Variants in LRRC58 observed in about 807,000 individuals in gnomAD.
LRRC58 encodes the protein leucine rich repeat containing 58.
A neutral mutation model predicts 30.6 loss-of-function variants in LRRC58; 18 were observed. The observed-to-expected ratio is 0.59, with a 90% CI of 0.41 to 0.87. The LOEUF (loss-of-function observed/expected upper bound fraction) is 0.87. Ranked by LOEUF, LRRC58 falls within the 40% of genes least tolerant of loss-of-function variation. LRRC58 has a pLI of 0.00. For synonymous variants in LRRC58, 221 were observed against 206.0 expected (o/e 1.07, Z -0.62); for missense variants, 420 against 468.4 (o/e 0.90, Z 0.95).
At chr3:120,346,672 A>C (rs60814807) in intron 1 of LRRC58, among the ~76,000 whole-genome samples, 6,572 of 152,266 alleles carry the variant, frequency 0.043, 358 homozygotes, top group African/African-American at 0.13. Flanking sequence ...CAACATTAAA[A>C]TTAGAAGGAA....
chr3:120,336,337 C>T (rs974323957), intron 1 of LRRC58, among the ~76,000 whole-genome samples: 1 of 152,200 alleles, frequency 6.6e-6, no homozygotes, highest in African/African-American at 2.4e-5. Flanking sequence ...TTCAGCTGGG[C>T]TATGGACTTA....
chr3:120,337,087 C>T (rs559139791), intron 1 of LRRC58, among the ~76,000 whole-genome samples: 2 of 152,168 alleles, frequency 1.3e-5, no homozygotes, highest in East Asian at 1.9e-4. Context: ...GCTATGAAGT[C>T]CTGACCCCAT....
rs1489739484 is a variant in LRRC58 at position 120,331,393 on chromosome 3, C to A, written c.923G>T (p.Cys308Phe). 2 of 1,613,248 alleles carry A rather than the reference C, an allele frequency of 1.2e-6. No homozygotes were observed. The highest frequency in any genetic ancestry group is 1.7e-6 in the Non-Finnish European group (2 of 1,179,338). Residue 308 changes from cysteine to phenylalanine, a missense_variant, in exon 4 of 4, where the codon TGC (cysteine) becomes TTC (phenylalanine). Transcript: ENST00000295628. ...CACAAATTTAATTTGTCTGACACAG[C>A]AGTCAAAGTAGACTCCTAAAGAGAA... ...NPKCGGVYFD[C>F]CVRQIKFVDF...
Position 120,335,813 on chromosome 3 carries a change from G to A in LRRC58, c.629+12C>T. Reference sequence around the variant, plus strand: ...GATGTCTGCGTATATACAAATGCCTGGAACTACTCACTGTGAAAGTTGAGG... The same window carrying A: ...GATGTCTGCGTATATACAAATGCCTAGAACTACTCACTGTGAAAGTTGAGG... On this transcript the variant is annotated intron_variant, in intron 2 of 3. Transcript: ENST00000295628. 1 of 1,606,240 alleles carries A rather than the reference G, an allele frequency of 6.2e-7. No individual in the cohort carries two copies. Among genetic ancestry groups the A allele is most frequent in the Admixed American group, 1.7e-5 (1 of 59,518 alleles).
Position 120,325,647 on chromosome 3 carries a change from G to C in LRRC58, c.*5553C>G, listed in dbSNP as rs891455552. 3 of 152,070 alleles carry C rather than the reference G, an allele frequency of 2.0e-5. No individual in the cohort carries two copies. Among genetic ancestry groups the C allele is most frequent in the African/African-American group, 4.8e-5 (2 of 41,404 alleles). 9.4% of individuals were successfully genotyped at this position (152,070 alleles called of 1,614,324 possible). A position where few individuals can be genotyped will look rare whatever the true frequency, so the allele number is the denominator to read the frequency against. On this transcript the variant is annotated 3_prime_UTR_variant, in exon 4 of 4. Coordinates refer to ENST00000295628, the MANE Select transcript of LRRC58 (RefSeq NM_001099678.2). ...CCAAGAAGAGATAGAAAAAGAATGG[G>C]AGATATTTACATACAAAAGTATTCA...
intron 2 of LRRC58, 94 bp from the exon 3 acceptor site, chr3:120,335,233 T>G: frequency 5.5e-6 from 6 of 1,092,068 alleles, no homozygotes; most frequent in Non-Finnish European, 6.5e-6. Context: ...TGATTTCCCC[T>G]TAAGAATGAG....
In LRRC58 at chr3:120,339,332, C is replaced by T. The variant is rs114716973; in HGVS notation, c.501-3379G>A. ...TCATCTTCTAGAATTAGTTCTACCC[C>T]GATTTTCTACCAATTTATTTTATTT... is the stretch of plus-strand genomic sequence containing the variant. On this transcript the variant is annotated intron_variant, in intron 1 of 3. Coordinates refer to ENST00000295628, the MANE Select transcript of LRRC58 (RefSeq NM_001099678.2). Among the ~76,000 whole-genome samples the T allele has an allele frequency of 5.5e-3, 831 of 152,254 alleles. 2 individuals are homozygous for T. Among genetic ancestry groups the T allele is most frequent in the Non-Finnish European group, 7.7e-3 (522 of 68,020 alleles).
chr3:120,347,621 G>C (rs1286133673), intron 1 of LRRC58, among the ~76,000 whole-genome samples: 1 of 150,878 alleles, frequency 6.6e-6, no homozygotes, highest in Admixed American at 6.6e-5. Context: ...TCGATCTCCT[G>C]ACCTCATGAT....
rs1559993965 is a variant in LRRC58, at chr3:120,336,266, A to G, written c.501-313T>C. ...TTAGGAGTTGAATGAAAAGGAAGAT[A>G]AAAGTTTTAAAAAGGCCACAGTAGT... is the stretch of plus-strand genomic sequence containing the variant. On this transcript the variant is annotated intron_variant, in intron 1 of 3. Transcript: ENST00000295628. 4.6e-5 allele frequency among the ~76,000 whole-genome samples: 7 copies of G among 152,348 alleles called. No homozygotes were observed. The South Asian group carries it at 1.0e-3, about 23-fold the overall frequency.
rs1447570125 is a variant in LRRC58 at position 120,328,075 on chromosome 3, T to C, written c.*3125A>G. On this transcript the variant is annotated 3_prime_UTR_variant, in exon 4 of 4. Coordinates refer to ENST00000295628, the MANE Select transcript of LRRC58 (RefSeq NM_001099678.2). ...ACTTTTAAATGTGGTAACTTGAAGC[T>C]CTAAATATCAAGAATTTTTGAACAA... is the stretch of plus-strand genomic sequence containing the variant. 4 of 152,204 alleles carry C rather than the reference T, an allele frequency of 2.6e-5. No individual in the cohort carries two copies. Among genetic ancestry groups the C allele is most frequent in the African/African-American group, 9.7e-5 (4 of 41,442 alleles). The allele number at this position is 152,204 out of a possible 1,614,324, so 9.4% of individuals were successfully genotyped here.
chr3:120,329,986 T>C lies in LRRC58; in HGVS notation c.*1214A>G, dbSNP rs1935732433. On this transcript the variant is annotated 3_prime_UTR_variant, in exon 4 of 4. Transcript: ENST00000295628. ...TATATTTAATAATTTTTTTCTATTTTATTAATACTTTATTTTCAAAAATGC... is the reference window on the plus strand; with the variant it reads ...TATATTTAATAATTTTTTTCTATTTCATTAATACTTTATTTTCAAAAATGC... 1 of 152,032 alleles carries C rather than the reference T, an allele frequency of 6.6e-6. No individual in the cohort carries two copies. The highest frequency in any genetic ancestry group is 1.5e-5 in the Non-Finnish European group (1 of 67,912). The allele number at this position is 152,032 out of a possible 1,614,324, so 9.4% of individuals were successfully genotyped here.
rs1217969145 is a variant in LRRC58 at position 120,349,075 on chromosome 3, C to G, written c.169G>C (p.Val57Leu). The G allele has an allele frequency of 6.6e-7, 1 of 1,518,758 alleles. No homozygotes were observed. Among genetic ancestry groups the G allele is most frequent in the African/African-American group, 1.4e-5 (1 of 69,744 alleles). The allele number at this position is 1,518,758 out of a possible 1,614,324, so 94.1% of individuals were successfully genotyped here. A position where few individuals can be genotyped will look rare whatever the true frequency, so the allele number is the denominator to read the frequency against. The change falls in exon 1 of 4, where the codon GTG (valine) becomes CTG (leucine). Residue 57 changes from valine to leucine, a missense_variant. Transcript: ENST00000295628. The part of the protein sequence containing the change: ...LRLLLPHNRL[V>L]SLPRALGSGF... ...CTGCCCAGCGCCCGTGGCAGCGACA[C>G]CAGACGGTTGTGAGGCAGCAGCAGC...
In LRRC58 at chr3:120,330,950, A is replaced by G; in HGVS notation, c.*250T>C. 2.2e-6 allele frequency: 1 copy of G among 465,064 alleles called. No homozygotes were observed. The highest frequency in any genetic ancestry group is 3.9e-5 in the East Asian group (1 of 25,352). The allele number at this position is 465,064 out of a possible 1,614,324, so 28.8% of individuals were successfully genotyped here. A position where few individuals can be genotyped will look rare whatever the true frequency, so the allele number is the denominator to read the frequency against. The stretch of plus-strand genomic sequence containing the variant: ...TGCTTTGTGATTCATGCAAAACTTG[A>G]GTGAAAACTGCAAACCATCAGCCAA... On this transcript the variant is annotated 3_prime_UTR_variant, in exon 4 of 4. Coordinates refer to ENST00000295628, the MANE Select transcript of LRRC58 (RefSeq NM_001099678.2).
Position 120,331,155 on chromosome 3 carries a change from T to G in LRRC58, c.*45A>C. ...CAAGCTCTATTTTCTTGTCTAACCA[T>G]TTTGCTCAGTTTTTTAAGTATTTCA... is the stretch of plus-strand genomic sequence containing the variant. On this transcript the variant is annotated 3_prime_UTR_variant, in exon 4 of 4. Coordinates refer to ENST00000295628, the MANE Select transcript of LRRC58 (RefSeq NM_001099678.2). 6.5e-7 allele frequency: 1 copy of G among 1,534,230 alleles called. No homozygotes were observed. The highest frequency in any genetic ancestry group is 9.0e-7 in the Non-Finnish European group (1 of 1,108,330).
At position 120,329,141 on chromosome 3, in the gene LRRC58, G is replaced by C. The variant is rs781548092; in HGVS notation, c.*2059C>G. ...AAGCTGGTAATTGATTAGGAAGTAG[G>C]CATAAGCATTTAGGCCAGAAAAAAT... On this transcript the variant is annotated 3_prime_UTR_variant, in exon 4 of 4. Coordinates refer to ENST00000295628, the MANE Select transcript of LRRC58 (RefSeq NM_001099678.2). 4 of 152,058 alleles carry C rather than the reference G, an allele frequency of 2.6e-5. No homozygotes were observed. Among genetic ancestry groups the C allele is most frequent in the Non-Finnish European group, 5.9e-5 (4 of 67,962 alleles). 9.4% of individuals were successfully genotyped at this position (152,058 alleles called of 1,614,324 possible).
intron 3 of LRRC58, 87 bp downstream of exon 3, chr3:120,334,775 A>G: frequency 8.2e-7 from 1 of 1,223,904 alleles, no homozygotes; most frequent in Non-Finnish European, 1.1e-6. Context: ...GGGAACAGAA[A>G]CAGAGACTGC....
At chr3:120,332,520 GT>G (rs11286302) in intron 3 of LRRC58, among the ~76,000 whole-genome samples, 1,757 of 152,126 alleles carry the variant, frequency 0.012, 22 homozygotes, top group African/African-American at 0.04. Context: ...CCTAAAATGT[GT>G]TAGCTTCTTG....
rs1298376991 is a variant in LRRC58, at chr3:120,328,471, G to A, written c.*2729C>T. The A allele has an allele frequency of 6.6e-6, 1 of 152,100 alleles. No homozygotes were observed. Among genetic ancestry groups the A allele is most frequent in the African/African-American group, 2.4e-5 (1 of 41,414 alleles). The allele number at this position is 152,100 out of a possible 1,614,324, so 9.4% of individuals were successfully genotyped here. A position where few individuals can be genotyped will look rare whatever the true frequency, so the allele number is the denominator to read the frequency against. Reference sequence around the variant, plus strand: ...ATCCATAGTTTTGGTCACTAAAATCGTCCAAGTAGAGCAATATCAAAAACT... The same window carrying A: ...ATCCATAGTTTTGGTCACTAAAATCATCCAAGTAGAGCAATATCAAAAACT... On this transcript the variant is annotated 3_prime_UTR_variant, in exon 4 of 4. Transcript: ENST00000295628.
At position 120,327,810 on chromosome 3, in the gene LRRC58, A is replaced by T. The variant is rs1935703163; in HGVS notation, c.*3390T>A. The stretch of plus-strand genomic sequence containing the variant: ...ACTCAGGCTGGAGTGCAGCGGAGTG[A>T]TCTCAGATTACTGCAACCTCTGTCT... On this transcript the variant is annotated 3_prime_UTR_variant, in exon 4 of 4. Coordinates refer to ENST00000295628, the MANE Select transcript of LRRC58 (RefSeq NM_001099678.2). 6.6e-6 allele frequency: 1 copy of T among 152,142 alleles called. No individual in the cohort carries two copies. The highest frequency in any genetic ancestry group is 2.4e-5 in the African/African-American group (1 of 41,440). The allele number at this position is 152,142 out of a possible 1,614,324, so 9.4% of individuals were successfully genotyped here. A position where few individuals can be genotyped will look rare whatever the true frequency, so the allele number is the denominator to read the frequency against.
Sources: allele counts gnomAD v4.1 joint callset (sites outside exome capture counted in the v4.1 genomes callset), GRCh38; gene constraint gnomAD v4.1.1; transcripts MANE v1.5; gene names NCBI Gene and HGNC (gene_info 2026-07-23, HGNC 2026-07-21).